DLGAP2: variants seen among roughly 807,000 people sequenced by gnomAD.
The protein encoded by DLGAP2 is disks large-associated protein 2.
DLGAP2 carries 26 observed loss-of-function variants against 100.3 expected under a neutral mutation model. The observed-to-expected ratio is 0.26, with a 90% CI of 0.19 to 0.36. The LOEUF (loss-of-function observed/expected upper bound fraction) is 0.36. Among genes scored for constraint, DLGAP2 ranks in the 10% least tolerant of loss-of-function variants. The pLI is 1.00. For synonymous variants in DLGAP2, 886 were observed against 630.1 expected, an observed-to-expected ratio of 1.41 and a Z score of -6.08; for missense variants, 1,858 against 1,453.2, an observed-to-expected ratio of 1.28 and a Z score of -4.53.
intron 1 of DLGAP2, among the ~76,000 whole-genome samples, chr8:882,104 T>G (rs1797811621): frequency 6.6e-6 from 1 of 152,212 alleles, no homozygotes; most frequent in African/African-American, 2.4e-5. Context: ...CTGTAAATAC[T>G]TGAAATGGCT....
intron 1 of DLGAP2, among the ~76,000 whole-genome samples, chr8:867,817 T>C (rs1204979083): frequency 5.9e-5 from 9 of 152,212 alleles, no homozygotes; most frequent in Admixed American, 5.9e-4. Flanking sequence ...AACCTCAAAA[T>C]TATGAGATGT....
chr8:1,429,476 TAA>T (rs1392819192), intron 3 of DLGAP2, among the ~76,000 whole-genome samples: 2 of 152,048 alleles, frequency 1.3e-5, no homozygotes, highest in African/African-American at 4.8e-5. Context: ...ACAGGAGACA[TAA>T]GAGATACAAA....
chr8:1,631,040 G>C (rs926008135), intron 7 of DLGAP2, among the ~76,000 whole-genome samples: 4 of 151,476 alleles, frequency 2.6e-5, no homozygotes, highest in Non-Finnish European at 5.9e-5. Context: ...CTGGGCGGGA[G>C]GTCCGGGTGC....
At chr8:756,995 C>T (rs755098803) in intron 1 of DLGAP2, among the ~76,000 whole-genome samples, 19 of 152,260 alleles carry the variant, frequency 1.2e-4, no homozygotes, top group Middle Eastern at 3.4e-3. Context: ...ATGGGTCTTC[C>T]GGAATGTTTG....
Position 1,549,347 on chromosome 8 carries a change from C to A in DLGAP2, c.894C>A (p.Ser298Arg). The A allele has an allele frequency of 6.2e-7, 1 of 1,613,364 alleles. No individual in the cohort carries two copies. The highest frequency in any genetic ancestry group is 2.2e-5 in the East Asian group (1 of 44,860). Reference sequence around the variant, plus strand: ...GGCCCGGCATGAGCAGCTGGTGGAGCTCGGACGACAACCTGGACAGCGACA... The same window carrying A: ...GGCCCGGCATGAGCAGCTGGTGGAGATCGGACGACAACCTGGACAGCGACA... ...KPRPGMSSWW[S>R]SDDNLDSDST... The change falls in exon 5 of 15, where the codon AGC (serine) becomes AGA (arginine). Residue 298 changes from serine (S) to arginine (R), a missense_variant. Coordinates refer to ENST00000637795, the MANE Select transcript of DLGAP2 (RefSeq NM_001346810.2).
rs997243445 is a variant in DLGAP2 at position 1,697,441 on chromosome 8, C to T, written c.2949+142C>T. ...GCAAATTTCCCTCTATGTATGTGTG[C>T]ACATGTGTATACGCACATGTGTGTG... On this transcript the variant is annotated intron_variant, in intron 14 of 14. Transcript: ENST00000637795. 41 of 1,228,388 alleles carry T rather than the reference C, an allele frequency of 3.3e-5. No individual in the cohort carries two copies. The South Asian group carries it at 5.7e-4, about 17-fold the overall frequency. 76.1% of individuals were successfully genotyped at this position (1,228,388 alleles called of 1,614,324 possible).
chr8:1,079,342 C>G (rs1441380385), intron 2 of DLGAP2, among the ~76,000 whole-genome samples: 1 of 152,094 alleles, frequency 6.6e-6, no homozygotes, highest in Non-Finnish European at 1.5e-5. Flanking sequence ...TCAGTCTATG[C>G]CTTGTCTCAG....
intron 1 of DLGAP2, among the ~76,000 whole-genome samples, chr8:777,251 C>T (rs1246548891): frequency 8.6e-5 from 13 of 150,562 alleles, no homozygotes; most frequent in African/African-American, 2.4e-4. Flanking sequence ...TGTCTCTGCA[C>T]GTGAGATGGG....
At chr8:1,370,020 A>G (rs1174455968) in intron 3 of DLGAP2, among the ~76,000 whole-genome samples, 1 of 152,100 alleles carries the variant, frequency 6.6e-6, no homozygotes, top group Admixed American at 6.6e-5. Context: ...ACCTGAGTTC[A>G]GCAGCATCCT....
intron 2 of DLGAP2, among the ~76,000 whole-genome samples, chr8:1,070,097 A>C (rs1803381399): frequency 6.6e-6 from 1 of 152,190 alleles, no homozygotes; most frequent in Non-Finnish European, 1.5e-5. Flanking sequence ...TACTTCCTGA[A>C]AACCTGTACT....
At chr8:1,570,840 A>C (rs954120285) in intron 6 of DLGAP2, among the ~76,000 whole-genome samples, 5 of 125,528 alleles carry the variant, frequency 4.0e-5, no homozygotes, top group Non-Finnish European at 8.2e-5. Flanking sequence ...GAGAGGAGAG[A>C]GGGTGAACTG....
chr8:1,494,056 G>C (rs1381957979), intron 3 of DLGAP2, among the ~76,000 whole-genome samples: 1 of 152,148 alleles, frequency 6.6e-6, no homozygotes, highest in East Asian at 1.9e-4. Context: ...GGGGGCAGTA[G>C]GATGAACCCA....
chr8:1,457,751 C>G (rs556682685), intron 3 of DLGAP2, among the ~76,000 whole-genome samples: 47 of 151,998 alleles, frequency 3.1e-4, no homozygotes, highest in Non-Finnish European at 6.0e-4. Context: ...CCTCCCCCGT[C>G]CCACGCCTCC....
chr8:1,438,734 CTG>C (rs1380169421), intron 3 of DLGAP2, among the ~76,000 whole-genome samples: 1 of 152,200 alleles, frequency 6.6e-6, no homozygotes, highest in South Asian at 2.1e-4. Flanking sequence ...CATGCACAGA[CTG>C]TGATAACAAC....
At chr8:1,511,507 A>C (rs1313034600) in intron 4 of DLGAP2, among the ~76,000 whole-genome samples, 1 of 151,284 alleles carries the variant, frequency 6.6e-6, no homozygotes, top group African/African-American at 2.4e-5. Context: ...CCATGGGCGT[A>C]AGTGCTGTCT....
At chr8:1,689,322 G>C (rs993512619) in intron 12 of DLGAP2, among the ~76,000 whole-genome samples, 1 of 152,176 alleles carries the variant, frequency 6.6e-6, no homozygotes, top group African/African-American at 2.4e-5. Context: ...AGGTGGGTCT[G>C]CAAGGCCCCT....
In DLGAP2 at chr8:1,637,988, G is replaced by A. The variant is rs535783269; in HGVS notation, c.1810+4942G>A. Reference sequence around the variant, plus strand: ...GTGCCAGCCTGAAGTAATGACAAACGTCCCGAAAACCGCTGGGCACCTCAG... The same window carrying A: ...GTGCCAGCCTGAAGTAATGACAAACATCCCGAAAACCGCTGGGCACCTCAG... On this transcript the variant is annotated intron_variant, in intron 8 of 14. Transcript: ENST00000637795. Among the ~76,000 whole-genome samples, 8 of 152,294 alleles carry A rather than the reference G, an allele frequency of 5.3e-5. No individual in the cohort carries two copies. The South Asian group carries it at 1.2e-3, about 24-fold the overall frequency.
chr8:860,118 T>C (rs1797361159), intron 1 of DLGAP2, among the ~76,000 whole-genome samples: 1 of 152,260 alleles, frequency 6.6e-6, no homozygotes, highest in South Asian at 2.1e-4. Flanking sequence ...TTCTGATTTT[T>C]GGCCTTTTTG....
chr8:1,274,695 C>CTTTTT (rs145930765), intron 3 of DLGAP2, among the ~76,000 whole-genome samples: 3 of 22,210 alleles, frequency 1.4e-4, no homozygotes, highest in African/African-American at 4.5e-4. Flanking sequence ...TTTCATTTAT[C>CTTTTT]TTTTTTTTTT....
Sources: gnomAD v4.1 joint callset for allele counts (sites outside exome capture counted in the v4.1 genomes callset) on GRCh38, gnomAD v4.1.1 for gene constraint, MANE v1.5 for transcripts, NCBI Gene and HGNC (gene_info 2026-07-23, HGNC 2026-07-21) for gene names.